Variants in FSHR observed in about 807,000 individuals in gnomAD.
FSHR encodes follicle-stimulating hormone receptor.
In FSHR, 46 loss-of-function variants were observed where a neutral mutation model predicts 52.1. That is an observed-to-expected ratio of 0.88 (90% CI 0.70 to 1.13). The LOEUF is 1.13. Among genes scored for constraint, FSHR ranks in the 50% most tolerant of loss-of-function variants. FSHR has a pLI of 0.00. For missense variants in FSHR, 964 were observed against 834.6 expected, an observed-to-expected ratio of 1.16 and a Z score of -1.91; for synonymous variants, 399 against 309.6, an observed-to-expected ratio of 1.29 and a Z score of -3.03.
chr2:49,075,803 T>G (rs1469065270), intron 1 of FSHR, among the ~76,000 whole-genome samples: 2 of 143,104 alleles, frequency 1.4e-5, no homozygotes, highest in Non-Finnish European at 3.1e-5. Flanking sequence ...GACTTTTGTT[T>G]TTGTTTGGGT....
At position 48,990,630 on chromosome 2, in the gene FSHR, A is replaced by ATAT; in HGVS notation, c.379_381dup (p.Ile127dup). On this transcript the variant is annotated inframe_insertion, in exon 5 of 10. Coordinates refer to ENST00000406846, the MANE Select transcript of FSHR (RefSeq NM_000145.4). Reference sequence around the variant, plus strand: ...GGAAGGTGCTTAATACCTGTGTTGGATATTAACCTAGAGAGAAACAAAATG... The same window carrying ATAT: ...GGAAGGTGCTTAATACCTGTGTTGGATATTATTAACCTAGAGAGAAACAAAATG... 1 of 1,602,642 alleles carries ATAT rather than the reference A, an allele frequency of 6.2e-7. No individual in the cohort carries two copies. The highest frequency in any genetic ancestry group is 1.1e-5 in the South Asian group (1 of 90,864).
Position 49,057,550 on chromosome 2 carries a change from A to G in FSHR, c.224+10669T>C, listed in dbSNP as rs1050737760. ...AACAGGTAATTGAAAATCTCCCAAC[A>G]AAGAAAAGCCCAGGACCAGATGGCT... is the stretch of plus-strand genomic sequence containing the variant. On this transcript the variant is annotated intron_variant, in intron 2 of 9. Transcript: ENST00000406846. Among the ~76,000 whole-genome samples, 4 of 152,144 alleles carry G rather than the reference A, an allele frequency of 2.6e-5. No individual in the cohort carries two copies. In the East Asian group the frequency reaches 7.7e-4, roughly 29 times the overall value.
intron 1 of FSHR, among the ~76,000 whole-genome samples, chr2:49,138,299 T>C (rs998339607): frequency 6.6e-6 from 1 of 152,056 alleles, no homozygotes; most frequent in African/African-American, 2.4e-5. Flanking sequence ...TTTGGAAAAA[T>C]AGTCTGGTGA....
At chr2:49,013,650 C>T (rs1247349155) in intron 4 of FSHR, among the ~76,000 whole-genome samples, 1 of 151,094 alleles carries the variant, frequency 6.6e-6, no homozygotes, top group African/African-American at 2.4e-5. Flanking sequence ...CCACCCTGGG[C>T]AGTAAGTCAA....
chr2:49,099,453 G>T (rs1464656508), intron 1 of FSHR, among the ~76,000 whole-genome samples: 1 of 152,018 alleles, frequency 6.6e-6, no homozygotes, highest in Non-Finnish European at 1.5e-5. Context: ...AAATTACCCA[G>T]TCTCAGGTAT....
At chr2:49,127,519 T>TAAAC (rs917481237) in intron 1 of FSHR, among the ~76,000 whole-genome samples, 1 of 147,040 alleles carries the variant, frequency 6.8e-6, no homozygotes, top group South Asian at 2.2e-4. Flanking sequence ...ACCACCACAA[T>TAAAC]ACACACACAC....
intron 2 of FSHR, among the ~76,000 whole-genome samples, chr2:49,033,306 C>T (rs2104261149): frequency 6.6e-6 from 1 of 152,206 alleles, no homozygotes; most frequent in East Asian, 1.9e-4. Context: ...TTGCTTGCTG[C>T]TTGTGTAACC....
intron 2 of FSHR, among the ~76,000 whole-genome samples, chr2:49,021,872 TATATATATATATATAGAGAG>T (rs1475273029): frequency 3.8e-5 from 2 of 53,286 alleles, no homozygotes; most frequent in East Asian, 2.4e-3. Flanking sequence ...TCTATATATA[TATATATATATATATAGAGAG>T]AGAGAGAGAG....
In FSHR at chr2:49,146,800, G is replaced by C. The variant is rs1504182; in HGVS notation, c.152+7466C>G. ...TTTTCTCTCAATATCCTCAATTTGT[G>C]GATCTTTCTGTTGCATCGAAACAGT... On this transcript the variant is annotated intron_variant, in intron 1 of 9. Transcript: ENST00000406846. Among the ~76,000 whole-genome samples the C allele has an allele frequency of 2.0e-5, 3 of 151,774 alleles. No individual in the cohort carries two copies. The East Asian group carries it at 5.8e-4, about 29-fold the overall frequency.
chr2:49,066,764 C>A lies in FSHR; in HGVS notation c.224+1455G>T, dbSNP rs150914282. ...CCCAATGAGGGGTCATTCACACTTG[C>A]TGGATTAAACTTGATTAAAGTAGCT... is the stretch of plus-strand genomic sequence containing the variant. On this transcript the variant is annotated intron_variant, in intron 2 of 9. Transcript: ENST00000406846. Among the ~76,000 whole-genome samples the A allele has an allele frequency of 5.1e-4, 78 of 152,200 alleles. No individual in the cohort carries two copies. In the East Asian group the frequency reaches 7.3e-3, roughly 14 times the overall value.
chr2:49,114,466 T>G (rs1350973729), intron 1 of FSHR, among the ~76,000 whole-genome samples: 1 of 152,164 alleles, frequency 6.6e-6, no homozygotes, highest in African/African-American at 2.4e-5. Context: ...AAAAAAAGAA[T>G]GAATGAGAAG....
chr2:48,962,868 G>A lies in FSHR; in HGVS notation c.1953C>T (p.Ala651=). 6.2e-7 allele frequency: 1 copy of A among 1,614,090 alleles called. No homozygotes were observed. Among genetic ancestry groups the A allele is most frequent in the Non-Finnish European group, 8.5e-7 (1 of 1,180,006 alleles). ...LSKCGCYEMQ[A]QIYRTETSST... is the part of the protein sequence containing the mutation. ...ATGAAGTTTCTGTCCTATAAATTTG[G>A]GCTTGCATTTCATAGCAGCCACACT... is the stretch of plus-strand genomic sequence containing the variant. The change falls in exon 10 of 10, where the codon GCC becomes GCT. Residue 651 remains alanine, a synonymous_variant. Coordinates refer to ENST00000406846, the MANE Select transcript of FSHR (RefSeq NM_000145.4).
intron 2 of FSHR, among the ~76,000 whole-genome samples, chr2:49,058,573 C>A (rs1669156330): frequency 6.6e-6 from 1 of 151,828 alleles, no homozygotes; most frequent in Non-Finnish European, 1.5e-5. Context: ...TAAAAAAAAC[C>A]TTTAAGAACT....
chr2:49,058,524 G>A (rs919050742), intron 2 of FSHR, among the ~76,000 whole-genome samples: 3 of 152,060 alleles, frequency 2.0e-5, no homozygotes, highest in African/African-American at 7.2e-5. Context: ...CCAGCTTGGT[G>A]ACAGAGCAAG....
intron 2 of FSHR, among the ~76,000 whole-genome samples, chr2:49,061,401 G>A (rs1289591401): frequency 6.6e-6 from 1 of 151,496 alleles, no homozygotes; most frequent in Non-Finnish European, 1.5e-5. Flanking sequence ...ACCAGGAGTA[G>A]CTATCATGAT....
chr2:49,147,936 A>C (rs946681823), intron 1 of FSHR, among the ~76,000 whole-genome samples: 1 of 152,002 alleles, frequency 6.6e-6, no homozygotes, highest in African/African-American at 2.4e-5. Flanking sequence ...GGAGACTCCA[A>C]ACATGGGCAC....
chr2:49,101,546 A>T (rs1463419120), intron 1 of FSHR, among the ~76,000 whole-genome samples: 2 of 152,190 alleles, frequency 1.3e-5, no homozygotes, highest in South Asian at 4.1e-4. Context: ...TTTCTAAATT[A>T]CAAAGAAGGC....
At chr2:49,043,436 A>G (rs758167889) in intron 2 of FSHR, among the ~76,000 whole-genome samples, 1 of 152,230 alleles carries the variant, frequency 6.6e-6, no homozygotes, top group Non-Finnish European at 1.5e-5. Context: ...GCTGAGATAA[A>G]TGGGCACATA....
chr2:49,091,918 C>T (rs529990106), intron 1 of FSHR, among the ~76,000 whole-genome samples: 2 of 152,032 alleles, frequency 1.3e-5, no homozygotes, highest in Non-Finnish European at 2.9e-5. Context: ...ACAAAAAATC[C>T]TTCAGGGATT....
Sources: allele counts gnomAD v4.1 joint callset (sites outside exome capture counted in the v4.1 genomes callset), GRCh38; gene constraint gnomAD v4.1.1; transcripts MANE v1.5; gene names NCBI Gene and HGNC (gene_info 2026-07-23, HGNC 2026-07-21).